The following NLRP14 variants were observed in gnomAD, a reference collection of about 807,000 sequenced individuals.
NLRP14 encodes the protein NACHT, LRR and PYD domains-containing protein 14.
NLRP14 carries 105 observed loss-of-function variants against 94.7 expected under a neutral mutation model. That is an observed-to-expected ratio of 1.11 (90% CI 0.95 to 1.30). The LOEUF (loss-of-function observed/expected upper bound fraction) is 1.30. Among genes scored for constraint, NLRP14 ranks in the 50% most tolerant of loss-of-function variants. The probability of loss-of-function intolerance (pLI) is 0.00; values close to 1 mark genes in which losing one functional copy is unlikely to be tolerated. For missense variants in NLRP14, 1,362 were observed against 1,254.1 expected, an observed-to-expected ratio of 1.09 and a Z score of -1.30; for synonymous variants, 508 against 459.9, an observed-to-expected ratio of 1.10 and a Z score of -1.34.
intron 9 of NLRP14, among the ~76,000 whole-genome samples, chr11:7,062,007 C>T (rs751834613): frequency 3.7e-4 from 56 of 151,930 alleles, no homozygotes; most frequent in Non-Finnish European, 1.3e-4. Flanking sequence ...ATATTAAAAA[C>T]TGAAAGCACA....
intron 1 of NLRP14, among the ~76,000 whole-genome samples, chr11:7,037,427 AT>A (rs137922513): frequency 0.014 from 2,171 of 152,206 alleles, 54 homozygotes; most frequent in African/African-American, 0.05. Flanking sequence ...TTCCAATCAT[AT>A]TAGCAAGAAT....
At chr11:7,047,337 C>G (rs1241286856) in intron 5 of NLRP14, among the ~76,000 whole-genome samples, 1 of 149,260 alleles carries the variant, frequency 6.7e-6, no homozygotes, top group Non-Finnish European at 1.5e-5. Context: ...TTTCCTGAGA[C>G]AGGGTCTTAC....
chr11:7,043,662 A>G lies in NLRP14; in HGVS notation c.1636A>G (p.Arg546Gly), dbSNP rs774640273. 11 of 1,613,904 alleles carry G rather than the reference A, an allele frequency of 6.8e-6. No individual in the cohort carries two copies. In the East Asian group the frequency reaches 2.2e-4, roughly 33 times the overall value. ...TGAAGATCGAGTAAAACAACTGGAG[A>G]GGACTTTTAACTGTAAAATGTCACT... Reference protein sequence around the residue: ...LNEDRVKQLERTFNCKMSLKI... With the variant: ...LNEDRVKQLEGTFNCKMSLKI... Residue 546 changes from arginine (R) to glycine (G), a missense_variant, in exon 4 of 12, where the codon AGG (arginine) becomes GGG (glycine). Transcript: ENST00000299481.
Position 7,039,399 on chromosome 11 carries a change from C to A in NLRP14, c.290-315C>A, listed in dbSNP as rs548852916. ...TATATATAATATTCATATCTATTAT[C>A]TCCTTTGCACCTCACCGTATCGTAG... On this transcript the variant is annotated intron_variant, in intron 2 of 11. Coordinates refer to ENST00000299481, the MANE Select transcript of NLRP14 (RefSeq NM_176822.4). Among the ~76,000 whole-genome samples, 14 of 151,850 alleles carry A rather than the reference C, an allele frequency of 9.2e-5. No homozygotes were observed. In the South Asian group the frequency reaches 2.9e-3, roughly 32 times the overall value.
the NLRP14 span, among the ~76,000 whole-genome samples, chr11:7,078,753 A>G: frequency 6.6e-6 from 1 of 152,104 alleles, no homozygotes; most frequent in Non-Finnish European, 1.5e-5. Context: ...GCACCATTGC[A>G]CTCCAGCCTG....
At chr11:7,051,479 C>T (rs1378892257) in intron 6 of NLRP14, among the ~76,000 whole-genome samples, 1 of 152,166 alleles carries the variant, frequency 6.6e-6, no homozygotes, top group Non-Finnish European at 1.5e-5. Flanking sequence ...TAGGACTTTG[C>T]CAGTCTGTCT....
intron 1 of NLRP14, among the ~76,000 whole-genome samples, chr11:7,030,061 G>T (rs1194697755): frequency 3.3e-5 from 5 of 152,138 alleles, no homozygotes; most frequent in Admixed American, 1.3e-4. Flanking sequence ...CCCAAATCTG[G>T]CTGCTATATG....
intron 2 of NLRP14, among the ~76,000 whole-genome samples, chr11:7,039,320 C>T (rs913231937): frequency 6.6e-6 from 1 of 151,774 alleles, no homozygotes; most frequent in East Asian, 1.9e-4. Flanking sequence ...ATATTATAGA[C>T]CTCTAGAATT....
intron 3 of NLRP14, among the ~76,000 whole-genome samples, chr11:7,041,461 T>C (rs1852248244): frequency 6.6e-6 from 1 of 152,194 alleles, no homozygotes; most frequent in Non-Finnish European, 1.5e-5. Flanking sequence ...TCTACATAAT[T>C]GCCAGAAACT....
the NLRP14 span, among the ~76,000 whole-genome samples, chr11:7,081,796 GTT>G: frequency 1.3e-5 from 2 of 152,154 alleles, no homozygotes; most frequent in Non-Finnish European, 2.9e-5. Flanking sequence ...ACTGCTTGGA[GTT>G]TTTATATGAG....
chr11:7,072,924 C>T (rs1852823539), downstream of NLRP14, among the ~76,000 whole-genome samples: 1 of 152,164 alleles, frequency 6.6e-6, no homozygotes, highest in African/African-American at 2.4e-5. Flanking sequence ...TCTCTGGGGG[C>T]CCTCCCTTGT....
intron 1 of NLRP14, among the ~76,000 whole-genome samples, chr11:7,034,373 C>T (rs1427727399): frequency 1.3e-5 from 2 of 152,160 alleles, no homozygotes; most frequent in Non-Finnish European, 2.9e-5. Context: ...CTATGAGATG[C>T]TATCGGCTCA....
At chr11:7,026,430 GA>G (rs1308939431) in intron 1 of NLRP14, among the ~76,000 whole-genome samples, 2 of 152,196 alleles carry the variant, frequency 1.3e-5, no homozygotes, top group Non-Finnish European at 2.9e-5. Flanking sequence ...GGCCATCAGA[GA>G]AATGCAAATC....
chr11:7,076,836 A>G, the NLRP14 span, among the ~76,000 whole-genome samples: 1 of 152,194 alleles, frequency 6.6e-6, no homozygotes, highest in African/African-American at 2.4e-5. Context: ...GTCTTCTTGC[A>G]CATGTGGGCT....
In NLRP14 at chr11:7,043,506, T is replaced by C; in HGVS notation, c.1480T>C (p.Leu494=). The change falls in exon 4 of 12, where the codon TTG becomes CTG. Residue 494 remains leucine (L), a synonymous_variant. Coordinates refer to ENST00000299481, the MANE Select transcript of NLRP14 (RefSeq NM_176822.4). ...GTTTTTTGCAGCTATGTTCTATATG[T>C]TGAAAGGCAGTTGGGAAGCTGGGAA... ...QEFFAAMFYM[L]KGSWEAGNPS... The C allele has an allele frequency of 1.2e-6, 2 of 1,614,204 alleles. No individual in the cohort carries two copies. Among genetic ancestry groups the C allele is most frequent in the South Asian group, 1.1e-5 (1 of 91,084 alleles).
the NLRP14 span, among the ~76,000 whole-genome samples, chr11:7,083,814 T>C: frequency 6.6e-6 from 1 of 152,192 alleles, no homozygotes. Flanking sequence ...AATGGATTCT[T>C]CTGTTGGGTA....
intron 4 of NLRP14, among the ~76,000 whole-genome samples, chr11:7,045,003 A>G (rs1852327775): frequency 6.6e-6 from 1 of 152,178 alleles, no homozygotes; most frequent in Non-Finnish European, 1.5e-5. Flanking sequence ...TTAGGACAAA[A>G]TTGTGATACC....
chr11:7,058,401 C>T lies in NLRP14; in HGVS notation c.2584C>T (p.Leu862Phe), dbSNP rs941188047. 7 of 1,612,678 alleles carry T rather than the reference C, an allele frequency of 4.3e-6. No homozygotes were observed. Among genetic ancestry groups the T allele is most frequent in the Admixed American group, 1.7e-5 (1 of 59,910 alleles). The part of the protein sequence containing the change: ...DNVLGDGGVK[L>F]MSDALQHAQC... ...TGTCTTGGGTGATGGTGGAGTAAAGCTTATGAGTGATGCCCTGCAACATGC... is the reference window on the plus strand; with the variant it reads ...TGTCTTGGGTGATGGTGGAGTAAAGTTTATGAGTGATGCCCTGCAACATGC... Residue 862 changes from leucine (L) to phenylalanine (F), a missense_variant, in exon 8 of 12, where the codon CTT becomes TTT. By Grantham distance (22) the Leu-to-Phe change is conservative. Transcript: ENST00000299481.
chr11:7,070,263 T>C, intron 10 of NLRP14, 23 bp from the exon 11 acceptor site: 1 of 1,576,970 alleles, frequency 6.3e-7, no homozygotes, highest in Middle Eastern at 1.7e-4. Flanking sequence ...TTCATTTTTA[T>C]CTTTTGTCTC....
Sources: allele counts gnomAD v4.1 joint callset (sites outside exome capture counted in the v4.1 genomes callset), GRCh38; gene constraint gnomAD v4.1.1; transcripts MANE v1.5; gene names NCBI Gene and HGNC (gene_info 2026-07-23, HGNC 2026-07-21).